Variants in DCK observed in about 807,000 individuals in gnomAD.
DCK encodes deoxycytidine kinase, also known as deoxyadenosine kinase.
A neutral mutation model predicts 38.3 loss-of-function variants in DCK; 23 were observed. The ratio of observed to expected loss-of-function variants is 0.60; its 90% CI spans 0.43 to 0.85. The LOEUF is 0.85. Ranked by LOEUF, DCK falls within the 40% of genes least tolerant of loss-of-function variation. The pLI is 0.00. For missense variants in DCK, 259 were observed against 304.4 expected (o/e 0.85, Z 1.11); for synonymous variants, 108 against 100.6 (o/e 1.07, Z -0.44).
At chr4:71,020,357 G>A (rs896197080) in intron 2 of DCK, among the ~76,000 whole-genome samples, 3 of 152,150 alleles carry the variant, frequency 2.0e-5, no homozygotes, top group South Asian at 2.1e-4. Context: ...GATGTGTTTT[G>A]TGATGTTAAA....
chr4:71,016,902 G>C (rs1028404774), intron 2 of DCK, among the ~76,000 whole-genome samples: 29 of 152,330 alleles, frequency 1.9e-4, no homozygotes, highest in African/African-American at 6.7e-4. Context: ...AACACCAAAA[G>C]CAATGGCAAC....
In DCK at chr4:71,019,753, C is replaced by T. The variant is rs1441098105; in HGVS notation, c.208-2614C>T. Among the ~76,000 whole-genome samples the T allele has an allele frequency of 2.6e-5, 4 of 151,444 alleles. No individual in the cohort carries two copies. In the South Asian group the frequency reaches 6.3e-4, roughly 24 times the overall value. On this transcript the variant is annotated intron_variant, in intron 2 of 6. Transcript: ENST00000286648. ...TTAGGAGCCAAACCAGGTTCACACA[C>T]GTTACATTTGGTGGTTGATATACCT...
intron 2 of DCK, among the ~76,000 whole-genome samples, chr4:71,008,512 T>C (rs1485928350): frequency 6.6e-6 from 1 of 152,232 alleles, no homozygotes; most frequent in Non-Finnish European, 1.5e-5. Context: ...CTGAAGTACC[T>C]ACTCAAGTTT....
chr4:71,021,263 G>C (rs1311066104), intron 2 of DCK, among the ~76,000 whole-genome samples: 1 of 151,284 alleles, frequency 6.6e-6, no homozygotes, highest in African/African-American at 2.4e-5. Flanking sequence ...TTTTAGTAGA[G>C]ACGGGGTTTC....
chr4:71,020,567 C>T (rs1740389332), intron 2 of DCK, among the ~76,000 whole-genome samples: 1 of 152,160 alleles, frequency 6.6e-6, no homozygotes, highest in South Asian at 2.1e-4. Flanking sequence ...TCCTCATATA[C>T]CACTTTATTA....
At chr4:70,994,094 C>CT in intron 1 of DCK, 168 bp downstream of exon 1, 1 of 633,896 alleles carries the variant, frequency 1.6e-6, no homozygotes, top group Non-Finnish European at 2.8e-6. Flanking sequence ...CCTTCCCTTA[C>CT]CTCCCGCTCC....
chr4:71,028,045 T>C (rs1740583073), intron 6 of DCK, among the ~76,000 whole-genome samples: 1 of 152,228 alleles, frequency 6.6e-6, no homozygotes, highest in Non-Finnish European at 1.5e-5. Context: ...AACAAGCATA[T>C]TCTTACATTA....
intron 2 of DCK, among the ~76,000 whole-genome samples, chr4:71,014,878 A>T (rs1417419820): frequency 6.6e-6 from 1 of 152,238 alleles, no homozygotes; most frequent in Non-Finnish European, 1.5e-5. Context: ...AGCAAGAGTA[A>T]ACACATTCCA....
At chr4:71,024,529 T>C (rs1481353003) in intron 4 of DCK, among the ~76,000 whole-genome samples, 2 of 152,146 alleles carry the variant, frequency 1.3e-5, no homozygotes, top group Non-Finnish European at 2.9e-5. Flanking sequence ...GTAAATGTTA[T>C]GACTTCTGGC....
rs1040074921 is a variant in DCK at position 71,021,907 on chromosome 4, C to T, written c.208-460C>T. On this transcript the variant is annotated intron_variant, in intron 2 of 6. Transcript: ENST00000286648. ...GTCCCAGCTACTTGGGAGGCTGAGG[C>T]GGGAGAATTGCTTGAACCTGGTAGG... 8.6e-5 allele frequency among the ~76,000 whole-genome samples: 13 copies of T among 152,024 alleles called. No individual in the cohort carries two copies. In the South Asian group the frequency reaches 1.2e-3, roughly 15 times the overall value.
chr4:71,021,336 A>T lies in DCK; in HGVS notation c.208-1031A>T, dbSNP rs190402191. Among the ~76,000 whole-genome samples, 45 of 152,174 alleles carry T rather than the reference A, an allele frequency of 3.0e-4. No homozygotes were observed. In the East Asian group the frequency reaches 8.3e-3, roughly 28 times the overall value. ...ATGATCCACCCGCCTCGGCCTCCCA[A>T]AGTGCTGGGATTACAGGCGTGAGCC... On this transcript the variant is annotated intron_variant, in intron 2 of 6. Transcript: ENST00000286648.
chr4:71,016,997 A>G (rs557173179), intron 2 of DCK, among the ~76,000 whole-genome samples: 3 of 152,220 alleles, frequency 2.0e-5, no homozygotes, highest in East Asian at 1.9e-4. Flanking sequence ...TGAACAGGCA[A>G]CCTACAGAAT....
intron 2 of DCK, among the ~76,000 whole-genome samples, chr4:71,021,236 C>T (rs944963639): frequency 2.6e-4 from 40 of 151,422 alleles, no homozygotes; most frequent in South Asian, 8.4e-4. Context: ...CCACCGCGCC[C>T]GGCTAATTTT....
At chr4:70,998,371 T>A (rs745638207) in intron 2 of DCK, among the ~76,000 whole-genome samples, 189 bp downstream of exon 2, 1 of 152,134 alleles carries the variant, frequency 6.6e-6, no homozygotes, top group African/African-American at 2.4e-5. Flanking sequence ...CAGATTGATA[T>A]GGATTCAACC....
At position 71,026,455 on chromosome 4, in the gene DCK, C is replaced by T. The variant is rs1352427506; in HGVS notation, c.666-210C>T. Among the ~76,000 whole-genome samples, 5 of 152,104 alleles carry T rather than the reference C, an allele frequency of 3.3e-5. No individual in the cohort carries two copies. The South Asian group carries it at 8.3e-4, about 25-fold the overall frequency. ...GAGAATCATATGTTACAGTACCCAG[C>T]TGTATATATTTTGTACCTAAGTTTT... is the stretch of plus-strand genomic sequence containing the variant. On this transcript the variant is annotated intron_variant, in intron 5 of 6. Transcript: ENST00000286648.
intron 2 of DCK, among the ~76,000 whole-genome samples, chr4:71,015,912 A>G (rs1427536984): frequency 6.6e-6 from 1 of 152,184 alleles, no homozygotes; most frequent in Non-Finnish European, 1.5e-5. Context: ...TATTCAACAT[A>G]GTGTTGGAAG....
At chr4:71,014,077 A>G (rs987333798) in intron 2 of DCK, among the ~76,000 whole-genome samples, 1 of 152,226 alleles carries the variant, frequency 6.6e-6, no homozygotes, top group African/African-American at 2.4e-5. Context: ...ATGAAGATCT[A>G]CCAAGCAAAT....
intron 2 of DCK, among the ~76,000 whole-genome samples, chr4:71,017,673 G>T (rs571595179): frequency 6.6e-6 from 1 of 150,732 alleles, no homozygotes; most frequent in East Asian, 2.0e-4. Flanking sequence ...GCAAACTGTC[G>T]CAGGGAAAAA....
rs748391509 is a variant in DCK at position 71,029,455 on chromosome 4, T to C, written c.*77T>C. On this transcript the variant is annotated 3_prime_UTR_variant, in exon 7 of 7. Coordinates refer to ENST00000286648, the MANE Select transcript of DCK (RefSeq NM_000788.3). Reference sequence around the variant, plus strand: ...GTATCTTCGTAACTTCATATTAATATAAGTTTCTTTAGAAAACCCAAGTTT... The same window carrying C: ...GTATCTTCGTAACTTCATATTAATACAAGTTTCTTTAGAAAACCCAAGTTT... 6 of 1,080,282 alleles carry C rather than the reference T, an allele frequency of 5.6e-6. No individual in the cohort carries two copies. The highest frequency in any genetic ancestry group is 4.3e-5 in the South Asian group (3 of 69,056). 66.9% of individuals were successfully genotyped at this position (1,080,282 alleles called of 1,614,324 possible).
Sources: allele counts gnomAD v4.1 joint callset (sites outside exome capture counted in the v4.1 genomes callset), GRCh38; gene constraint gnomAD v4.1.1; transcripts MANE v1.5; gene names NCBI Gene and HGNC (gene_info 2026-07-23, HGNC 2026-07-21).